Variants in ATAD5 observed in about 807,000 individuals in gnomAD.
The protein encoded by ATAD5 is ATPase family AAA domain containing 5, also known as ATPase family AAA domain-containing protein 5.
ATAD5 carries 58 observed loss-of-function variants against 176.9 expected under a neutral mutation model. The ratio of observed to expected loss-of-function variants is 0.33; its 90% CI spans 0.27 to 0.41. The LOEUF is 0.41. Among genes scored for constraint, ATAD5 ranks in the 10% least tolerant of loss-of-function variants. The pLI, the probability that ATAD5 is intolerant of heterozygous loss-of-function variation, is 1.00. For missense variants in ATAD5, 1,789 were observed against 2,094.1 expected (o/e 0.85, Z 2.84); for synonymous variants, 640 against 712.6 (o/e 0.90, Z 1.62).
chr17:30,856,884 C>A, intron 7 of ATAD5, 71 bp from the exon 8 acceptor site: 1 of 1,341,086 alleles, frequency 7.5e-7, no homozygotes. Context: ...TTCATGTTTA[C>A]GTATTTGACA....
At chr17:30,889,391 A>G (rs1909501085) in intron 19 of ATAD5, among the ~76,000 whole-genome samples, 1 of 151,402 alleles carries the variant, frequency 6.6e-6, no homozygotes, top group African/African-American at 2.4e-5. Flanking sequence ...ATAAGTACTT[A>G]TAACATAGTA....
chr17:30,838,715 G>A (rs905386900), intron 3 of ATAD5, among the ~76,000 whole-genome samples: 2 of 152,132 alleles, frequency 1.3e-5, no homozygotes, highest in African/African-American at 4.8e-5. Context: ...TTTTTTTAGA[G>A]ATAATTATAC....
chr17:30,890,418 CTT>C (rs968126768), intron 19 of ATAD5, among the ~76,000 whole-genome samples: 2 of 106,722 alleles, frequency 1.9e-5, no homozygotes, highest in Non-Finnish European at 3.9e-5. Flanking sequence ...CTCTTCTTTT[CTT>C]TTTTTTTTTT....
chr17:30,852,037 G>A (rs537450022), intron 6 of ATAD5, among the ~76,000 whole-genome samples: 5 of 152,152 alleles, frequency 3.3e-5, no homozygotes, highest in Non-Finnish European at 7.3e-5. Context: ...TAATATTGAC[G>A]AATTCCAATG....
intron 4 of ATAD5, among the ~76,000 whole-genome samples, chr17:30,843,327 G>A (rs373864499): frequency 1.0e-3 from 156 of 151,720 alleles, no homozygotes; most frequent in African/African-American, 3.6e-3. Context: ...ACTCCACCTT[G>A]GGTGGCAGAG....
At position 30,894,888 on chromosome 17, in the gene ATAD5, A is replaced by C. The variant is rs373213177; in HGVS notation, c.5510A>C (p.Asn1837Thr). ...CTTGACATTCCAAAAGAGACTGTGA[A>C]TACTTTGGCAGCTGACTTCCCTTAA... ...IHLDIPKETV[N>T]TLAADFP Residue 1837 changes from asparagine to threonine, a missense_variant, in exon 23 of 23, where the codon AAT becomes ACT. By Grantham distance (65) the Asn-to-Thr change is moderately conservative. This residue lies in a region of ATAD5 where 403 missense variants were observed against 495.1 expected (regional missense o/e 0.81). Transcript: ENST00000321990. 18 of 1,599,206 alleles carry C rather than the reference A, an allele frequency of 1.1e-5. No homozygotes were observed. The highest frequency in any genetic ancestry group is 3.3e-4 in the Middle Eastern group (2 of 6,018).
rs201420202 is a variant in ATAD5 at position 30,868,426 on chromosome 17, CTTTT to C, written c.3313+26_3313+29del. On this transcript the variant is annotated intron_variant, in intron 12 of 22. Coordinates refer to ENST00000321990, the MANE Select transcript of ATAD5 (RefSeq NM_024857.5). ...AGAAACATGAAGGTATTTTGTGTGT[CTTTT>C]TTTTTTTTTTTACCATTTCACTGAA... The C allele has an allele frequency of 2.9e-4, 357 of 1,219,480 alleles. No individual in the cohort carries two copies. The highest frequency in any genetic ancestry group is 8.7e-4 in the South Asian group (44 of 50,716). The allele number at this position is 1,219,480 out of a possible 1,614,324, so 75.5% of individuals were successfully genotyped here. A position where few individuals can be genotyped will look rare whatever the true frequency, so the allele number is the denominator to read the frequency against.
chr17:30,858,117 A>G (rs777897931), intron 8 of ATAD5, 44 bp from the exon 9 acceptor site: 1 of 1,397,446 alleles, frequency 7.2e-7, no homozygotes, highest in Non-Finnish European at 9.5e-7. Flanking sequence ...TAACATGAAT[A>G]GATGATGTTG....
Position 30,893,696 on chromosome 17 carries a change from G to C in ATAD5, c.4843G>C (p.Asp1615His). 6.2e-7 allele frequency: 1 copy of C among 1,613,508 alleles called. No individual in the cohort carries two copies. Among genetic ancestry groups the C allele is most frequent in the Middle Eastern group, 1.7e-4 (1 of 6,058 alleles). Reference sequence around the variant, plus strand: ...CGGAGACGAAGAAAGCAAAGCCAGAGACAAAGGAAACAATCCAGAGACAAA... The same window carrying C: ...CGGAGACGAAGAAAGCAAAGCCAGACACAAAGGAAACAATCCAGAGACAAA... ...KTGDEESKARDKGNNPETKKS... is the reference protein window; with the variant it reads ...KTGDEESKARHKGNNPETKKS... Residue 1615 changes from aspartate to histidine, a missense_variant, in exon 21 of 23, where the codon GAC becomes CAC. Transcript: ENST00000321990.
chr17:30,857,801 C>T (rs186767978), intron 8 of ATAD5, among the ~76,000 whole-genome samples: 1 of 148,048 alleles, frequency 6.8e-6, no homozygotes, highest in Non-Finnish European at 1.5e-5. Flanking sequence ...AGTACAGTGG[C>T]ACGATCTCGG....
intron 6 of ATAD5, among the ~76,000 whole-genome samples, chr17:30,849,594 T>C (rs1429512678): frequency 1.3e-5 from 2 of 152,216 alleles, no homozygotes; most frequent in African/African-American, 4.8e-5. Context: ...TTTGTATGTC[T>C]TCCTTAGGGA....
Position 30,876,525 on chromosome 17 carries a change from A to G in ATAD5, c.3759A>G (p.Ile1253Met), listed in dbSNP as rs752876710. ...VSPKPKNNEE[I>M]GMLLENNKGI... The stretch of plus-strand genomic sequence containing the variant: ...CCAAACCTAAAAATAATGAAGAAAT[A>G]GGAATGCTTCTGGAAAATAATAAAG... The change falls in exon 15 of 23, where the codon ATA (isoleucine) becomes ATG (methionine). Residue 1253 changes from isoleucine (I) to methionine (M), a missense_variant. Around this residue, in one of 6 missense-constraint regions of ATAD5, gnomAD observed 194 missense variants for 270.1 expected, o/e 0.72. Coordinates refer to ENST00000321990, the MANE Select transcript of ATAD5 (RefSeq NM_024857.5). The G allele has an allele frequency of 1.9e-6, 3 of 1,572,910 alleles. No homozygotes were observed. The highest frequency in any genetic ancestry group is 2.7e-5 in the African/African-American group (2 of 73,192).
intron 18 of ATAD5, among the ~76,000 whole-genome samples, chr17:30,880,435 C>T (rs1908943888): frequency 6.6e-6 from 1 of 151,046 alleles, no homozygotes; most frequent in Non-Finnish European, 1.5e-5. Context: ...ATGGTAAAAC[C>T]CCATCTCTAT....
chr17:30,842,097 C>T (rs1287470669), intron 4 of ATAD5, among the ~76,000 whole-genome samples: 2 of 151,976 alleles, frequency 1.3e-5, no homozygotes, highest in Non-Finnish European at 2.9e-5. Flanking sequence ...GGTGAAACCC[C>T]GTCTTTACTA....
At chr17:30,846,557 C>T (rs1023639226) in intron 6 of ATAD5, among the ~76,000 whole-genome samples, 1 of 151,966 alleles carries the variant, frequency 6.6e-6, no homozygotes, top group Non-Finnish European at 1.5e-5. Context: ...CACGCACCAC[C>T]ATGCCCAGCT....
At chr17:30,840,851 C>A in intron 4 of ATAD5, 70 bp downstream of exon 4, 2 of 1,430,310 alleles carry the variant, frequency 1.4e-6, no homozygotes, top group South Asian at 1.3e-5. Flanking sequence ...AGAAGGAAAC[C>A]ATTATAAAGT....
At chr17:30,849,276 T>C (rs1484669200) in intron 6 of ATAD5, among the ~76,000 whole-genome samples, 1 of 152,138 alleles carries the variant, frequency 6.6e-6, no homozygotes, top group East Asian at 1.9e-4. Context: ...TTCCCTCCAC[T>C]ATAAGAGATG....
rs1905584717 is a variant in ATAD5, at chr17:30,834,516, T to C, written c.435T>C (p.Tyr145=). Residue 145 remains tyrosine, a synonymous_variant, in exon 2 of 23, where the codon TAT becomes TAC. Transcript: ENST00000321990. Reference sequence around the variant, plus strand: ...GTAGCGACGATAGCAAAGAAGACTATAGTTTAAATAATGATTTTGTGGAAA... The same window carrying C: ...GTAGCGACGATAGCAAAGAAGACTACAGTTTAAATAATGATTTTGTGGAAA... The part of the protein sequence containing the change: ...EISSDDSKED[Y]SLNNDFVESS... 2 of 1,587,942 alleles carry C rather than the reference T, an allele frequency of 1.3e-6. No individual in the cohort carries two copies. The highest frequency in any genetic ancestry group is 4.5e-5 in the East Asian group (2 of 44,728).
intron 6 of ATAD5, among the ~76,000 whole-genome samples, chr17:30,850,833 T>TATATTTA (rs1906849991): frequency 3.6e-5 from 1 of 27,832 alleles, no homozygotes; most frequent in Non-Finnish European, 5.9e-5. Context: ...TTATATATTT[T>TATATTTA]TATATATATA....
Sources: gnomAD v4.1 joint callset for allele counts (sites outside exome capture counted in the v4.1 genomes callset) on GRCh38, gnomAD v4.1.1 for gene constraint, gnomAD v4.1.1 regional missense constraint, MANE v1.5 for transcripts, NCBI Gene and HGNC (gene_info 2026-07-23, HGNC 2026-07-21) for gene names.